Variants in GNG12 observed in about 807,000 individuals in gnomAD.
GNG12 encodes guanine nucleotide-binding protein G(I)/G(S)/G(O) subunit gamma-12.
For synonymous variants in GNG12, 28 were observed against 29.7 expected (o/e 0.94, Z 0.19); for missense variants, 69 against 83.8 (o/e 0.82, Z 0.69).
chr1:67,741,887 C>T (rs1646484502), intron 2 of GNG12, among the ~76,000 whole-genome samples: 1 of 152,148 alleles, frequency 6.6e-6, no homozygotes, highest in African/African-American at 2.4e-5. Context: ...AAGCACATTC[C>T]CATGTGGCTG....
intron 2 of GNG12, among the ~76,000 whole-genome samples, chr1:67,711,449 G>A (rs1033045059): frequency 4.0e-5 from 6 of 151,638 alleles, no homozygotes; most frequent in Non-Finnish European, 8.8e-5. Context: ...AGGGTTTCTC[G>A]GGGGGGTGGT....
chr1:67,792,426 A>C (rs933246748), intron 1 of GNG12, among the ~76,000 whole-genome samples: 1 of 152,190 alleles, frequency 6.6e-6, no homozygotes, highest in African/African-American at 2.4e-5. Flanking sequence ...ATCATAAGAT[A>C]AGGCATGATT....
At chr1:67,731,687 T>C (rs888650005) in intron 2 of GNG12, among the ~76,000 whole-genome samples, 4 of 152,232 alleles carry the variant, frequency 2.6e-5, no homozygotes, top group Admixed American at 6.5e-5. Context: ...TTTTGAATTT[T>C]ATGCTGGAGG....
chr1:67,750,769 T>C (rs944944735), intron 2 of GNG12, among the ~76,000 whole-genome samples: 5 of 152,234 alleles, frequency 3.3e-5, no homozygotes, highest in Admixed American at 6.5e-5. Flanking sequence ...TGCAGTCTTA[T>C]TGAGCTCTCT....
chr1:67,808,820 A>C (rs1646907755), intron 1 of GNG12, among the ~76,000 whole-genome samples: 1 of 152,182 alleles, frequency 6.6e-6, no homozygotes. Context: ...AAGAGAGTCC[A>C]TGTTCACAGA....
At chr1:67,757,645 G>A (rs1298771127) in intron 2 of GNG12, among the ~76,000 whole-genome samples, 3 of 152,134 alleles carry the variant, frequency 2.0e-5, no homozygotes, top group Non-Finnish European at 4.4e-5. Context: ...CCTTCCGGGG[G>A]ACCTTGCTCT....
intron 1 of GNG12, among the ~76,000 whole-genome samples, chr1:67,782,357 GCATTTTGCCC>G (rs1484960742): frequency 2.0e-5 from 3 of 152,126 alleles, no homozygotes; most frequent in African/African-American, 7.2e-5. Context: ...TAAAATGCTG[GCATTTTGCCC>G]CATTGTACAA....
chr1:67,722,138 C>T (rs993049838), intron 2 of GNG12, among the ~76,000 whole-genome samples: 4 of 151,898 alleles, frequency 2.6e-5, no homozygotes, highest in Admixed American at 6.6e-5. Context: ...AAAAAGAAAC[C>T]GAAAAGCCCA....
intron 1 of GNG12, among the ~76,000 whole-genome samples, chr1:67,802,484 C>A (rs1478151544): frequency 6.6e-6 from 1 of 152,208 alleles, no homozygotes; most frequent in Non-Finnish European, 1.5e-5. Flanking sequence ...AGGCTCCAGA[C>A]TTCTGCATGC....
At chr1:67,819,240 C>T (rs1361110570) in intron 1 of GNG12, among the ~76,000 whole-genome samples, 1 of 152,000 alleles carries the variant, frequency 6.6e-6, no homozygotes, top group Non-Finnish European at 1.5e-5. Flanking sequence ...GGGTTCAGAG[C>T]TTAGCAACCT....
intron 1 of GNG12, among the ~76,000 whole-genome samples, chr1:67,808,982 A>T (rs931521882): frequency 2.0e-5 from 3 of 152,302 alleles, no homozygotes; most frequent in Middle Eastern, 3.4e-3. Flanking sequence ...TAGAATAGCC[A>T]ACTCAATATT....
chr1:67,762,542 G>A (rs901971558), intron 2 of GNG12, among the ~76,000 whole-genome samples: 1 of 152,078 alleles, frequency 6.6e-6, no homozygotes, highest in Non-Finnish European at 1.5e-5. Context: ...GTTTAAAAGA[G>A]TATGTATTTA....
intron 2 of GNG12, among the ~76,000 whole-genome samples, chr1:67,758,993 A>T (rs1340078618): frequency 6.6e-6 from 1 of 152,210 alleles, no homozygotes; most frequent in African/African-American, 2.4e-5. Flanking sequence ...AGAGTCAACA[A>T]CAATTTATTG....
At chr1:67,769,305 T>A (rs1327520889) in intron 2 of GNG12, among the ~76,000 whole-genome samples, 1 of 151,924 alleles carries the variant, frequency 6.6e-6, no homozygotes, top group African/African-American at 2.4e-5. Context: ...CAACCACACA[T>A]GAAAAAGGAG....
At chr1:67,774,171 C>T (rs779465145) in intron 2 of GNG12, among the ~76,000 whole-genome samples, 2 of 152,120 alleles carry the variant, frequency 1.3e-5, no homozygotes. Flanking sequence ...TTCCAGCCAC[C>T]GTAAGTCATC....
intron 1 of GNG12, among the ~76,000 whole-genome samples, chr1:67,816,333 T>C (rs1646953769): frequency 6.6e-6 from 1 of 152,100 alleles, no homozygotes; most frequent in African/African-American, 2.4e-5. Context: ...GGGCACCCTT[T>C]CAAAGAAGGT....
At chr1:67,826,734 T>G (rs1223536039) in intron 1 of GNG12, among the ~76,000 whole-genome samples, 1 of 152,226 alleles carries the variant, frequency 6.6e-6, no homozygotes, top group Non-Finnish European at 1.5e-5. Flanking sequence ...GCTTTTAGAT[T>G]TTGATTCCTC....
chr1:67,786,925 T>TTATATATA (rs371809712), intron 1 of GNG12, among the ~76,000 whole-genome samples: 20 of 75,816 alleles, frequency 2.6e-4, no homozygotes, highest in African/African-American at 1.1e-3. Flanking sequence ...TAACAGAGAC[T>TTATATATA]TATATATATA....
chr1:67,803,035 G>T (rs1453530572), intron 1 of GNG12, among the ~76,000 whole-genome samples: 3 of 152,240 alleles, frequency 2.0e-5, no homozygotes, highest in Non-Finnish European at 4.4e-5. Context: ...AAACACTGGT[G>T]GGGGTCTAAC....
Sources: allele counts gnomAD v4.1 joint callset (sites outside exome capture counted in the v4.1 genomes callset), GRCh38; gene constraint gnomAD v4.1.1; transcripts MANE v1.5; gene names NCBI Gene and HGNC (gene_info 2026-07-23, HGNC 2026-07-21).